CSMD1: variants seen among roughly 807,000 people sequenced by gnomAD.
CSMD1 encodes CUB and Sushi multiple domains 1.
A neutral mutation model predicts 417.5 loss-of-function variants in CSMD1; 213 were observed. The observed-to-expected ratio is 0.51, with a 90% confidence interval of 0.46 to 0.57. The LOEUF (loss-of-function observed/expected upper bound fraction) is 0.57, where lower values mean the gene tolerates loss of function less well. Ranked by LOEUF, CSMD1 falls within the 20% of genes least tolerant of loss-of-function variation. CSMD1 has a pLI of 0.00. For synonymous variants in CSMD1, 2,862 were observed against 1,736.8 expected (o/e 1.65, Z -16.11); for missense variants, 6,923 against 4,529.7 (o/e 1.53, Z -15.17).
Position 3,854,867 on chromosome 8 carries a change from C to T in CSMD1, c.819-100825G>A, listed in dbSNP as rs147713385. ...TTGTTAAATCAATTCTAATCCATTT[C>T]AGAGTAAAATATTATATGGACATTA... On this transcript the variant is annotated intron_variant, in intron 5 of 69. Coordinates refer to ENST00000635120, the MANE Select transcript of CSMD1 (RefSeq NM_033225.6). Among the ~76,000 whole-genome samples the T allele has an allele frequency of 2.0e-3, 308 of 152,192 alleles. 1 individual carries two copies. The highest frequency in any genetic ancestry group is 2.1e-3 in the Non-Finnish European group (143 of 68,008).
chr8:3,403,105 G>C (rs1429923684), intron 15 of CSMD1, among the ~76,000 whole-genome samples: 1 of 152,108 alleles, frequency 6.6e-6, no homozygotes, highest in East Asian at 1.9e-4. Flanking sequence ...ACTTTAATTG[G>C]AATATTACAG....
At chr8:3,388,896 T>TACACACACAC (rs6150441) in intron 17 of CSMD1, among the ~76,000 whole-genome samples, 68 of 147,744 alleles carry the variant, frequency 4.6e-4, no homozygotes, top group African/African-American at 1.6e-3. Context: ...CACACATGCA[T>TACACACACAC]ACACACACAC....
At chr8:4,770,931 C>G (rs993857311) in intron 1 of CSMD1, among the ~76,000 whole-genome samples, 11 of 152,056 alleles carry the variant, frequency 7.2e-5, no homozygotes, top group Non-Finnish European at 1.5e-4. Context: ...AAAATTCAGG[C>G]TACAGAACAA....
chr8:4,311,140 C>T (rs530387118), intron 3 of CSMD1, among the ~76,000 whole-genome samples: 6 of 152,266 alleles, frequency 3.9e-5, no homozygotes, highest in Admixed American at 6.5e-5. Context: ...CCAGCAATAC[C>T]GTGACTGGCT....
intron 2 of CSMD1, among the ~76,000 whole-genome samples, chr8:4,466,670 G>A (rs11989522): frequency 0.02 from 3,106 of 152,174 alleles, 113 homozygotes; most frequent in African/African-American, 0.07. Context: ...ATATAACTCT[G>A]AGTTGGGATA....
intron 11 of CSMD1, among the ~76,000 whole-genome samples, chr8:3,486,343 G>C (rs1353487958): frequency 6.6e-6 from 1 of 152,194 alleles, no homozygotes; most frequent in East Asian, 1.9e-4. Flanking sequence ...GGGAGTCAGG[G>C]ATGGTGCACT....
chr8:3,941,784 T>G (rs1289874707), intron 5 of CSMD1, among the ~76,000 whole-genome samples: 1 of 152,128 alleles, frequency 6.6e-6, no homozygotes. Context: ...TTGATTCCAA[T>G]TTTTCCTCTG....
At chr8:4,314,265 C>G (rs1307953232) in intron 3 of CSMD1, among the ~76,000 whole-genome samples, 1 of 152,016 alleles carries the variant, frequency 6.6e-6, no homozygotes, top group Non-Finnish European at 1.5e-5. Context: ...ACAGCACAAA[C>G]TCTTAGTTAC....
chr8:4,135,025 G>T (rs1470850311), intron 3 of CSMD1, among the ~76,000 whole-genome samples: 1 of 152,076 alleles, frequency 6.6e-6, no homozygotes. Flanking sequence ...TGATTATTTT[G>T]TGAGAGGATA....
At chr8:3,994,035 C>T (rs1286962214) in intron 5 of CSMD1, among the ~76,000 whole-genome samples, 2 of 152,142 alleles carry the variant, frequency 1.3e-5, no homozygotes, top group Admixed American at 1.3e-4. Context: ...CAGGATGGGG[C>T]CAAATCGGTA....
intron 5 of CSMD1, among the ~76,000 whole-genome samples, chr8:3,828,186 G>A (rs991115666): frequency 6.6e-6 from 1 of 152,100 alleles, no homozygotes; most frequent in African/African-American, 2.4e-5. Context: ...AGTTTAACCA[G>A]TATGCAATCC....
chr8:4,143,877 G>A (rs1205503877), intron 3 of CSMD1, among the ~76,000 whole-genome samples: 1 of 151,068 alleles, frequency 6.6e-6, no homozygotes, highest in African/African-American at 2.5e-5. Flanking sequence ...CCCTTATCTG[G>A]ATGAAGAATT....
chr8:4,650,252 G>A (rs1398839228), intron 1 of CSMD1, among the ~76,000 whole-genome samples: 1 of 150,188 alleles, frequency 6.7e-6, no homozygotes, highest in Non-Finnish European at 1.5e-5. Flanking sequence ...GGCTGAGGCA[G>A]GAGAATGGCG....
intron 3 of CSMD1, among the ~76,000 whole-genome samples, chr8:4,257,896 A>T (rs895066666): frequency 3.3e-5 from 5 of 152,220 alleles, no homozygotes. Flanking sequence ...TGTTGTGACC[A>T]GGCTAACAAC....
chr8:3,530,864 A>ATT lies in CSMD1; in HGVS notation c.1345-37140_1345-37139dup, dbSNP rs57244912. Among the ~76,000 whole-genome samples, 246 of 143,268 alleles carry ATT rather than the reference A, an allele frequency of 1.7e-3. 2 individuals are homozygous for ATT. Among genetic ancestry groups the ATT allele is most frequent in the African/African-American group, 3.4e-3 (131 of 38,328 alleles). 94.0% of individuals were successfully genotyped at this position (143,268 alleles called of 152,430 possible). A position where few individuals can be genotyped will look rare whatever the true frequency, so the allele number is the denominator to read the frequency against. ...AATCTTGACGCCTCTCCTTTTTCCT[A>ATT]TTTTTTTTTTTAAGATGGAGTCTCA... On this transcript the variant is annotated intron_variant, in intron 10 of 69. Transcript: ENST00000635120.
intron 3 of CSMD1, among the ~76,000 whole-genome samples, chr8:4,388,971 C>T (rs780837982): frequency 6.6e-6 from 1 of 152,190 alleles, no homozygotes; most frequent in Non-Finnish European, 1.5e-5. Flanking sequence ...ACCTCACACA[C>T]TTGTAACATA....
At chr8:4,819,141 C>T (rs565411796) in intron 1 of CSMD1, among the ~76,000 whole-genome samples, 36 of 152,200 alleles carry the variant, frequency 2.4e-4, no homozygotes, top group Non-Finnish European at 4.7e-4. Context: ...GCTCATGCGT[C>T]CTTCTGCTCT....
At chr8:3,106,264 G>C (rs1185084244) in intron 46 of CSMD1, among the ~76,000 whole-genome samples, 1 of 151,764 alleles carries the variant, frequency 6.6e-6, no homozygotes, top group Non-Finnish European at 1.5e-5. Flanking sequence ...AGGCATGGTG[G>C]TGCATGCATG....
intron 22 of CSMD1, among the ~76,000 whole-genome samples, chr8:3,346,184 A>C (rs1048819745): frequency 6.6e-6 from 1 of 152,226 alleles, no homozygotes; most frequent in African/African-American, 2.4e-5. Context: ...GCTTCTCTGT[A>C]ATTAAATGTG....
Sources: gnomAD v4.1 joint callset for allele counts (sites outside exome capture counted in the v4.1 genomes callset) on GRCh38, gnomAD v4.1.1 for gene constraint, MANE v1.5 for transcripts, NCBI Gene and HGNC (gene_info 2026-07-23, HGNC 2026-07-21) for gene names.